Variants in SLC2A13 observed in about 807,000 individuals in gnomAD.
SLC2A13 encodes the protein proton myo-inositol cotransporter.
SLC2A13 carries 32 observed loss-of-function variants against 64.4 expected under a neutral mutation model. The observed-to-expected ratio is 0.50, with a 90% CI of 0.37 to 0.67. SLC2A13 has a LOEUF of 0.67. Among genes scored for constraint, SLC2A13 ranks in the 30% least tolerant of loss-of-function variants. The pLI is 0.00. For missense variants in SLC2A13, 743 were observed against 829.2 expected (o/e 0.90, Z 1.28); for synonymous variants, 338 against 327.1 (o/e 1.03, Z -0.36).
At chr12:40,029,016 TTGC>T (rs1305110576) in intron 2 of SLC2A13, among the ~76,000 whole-genome samples, 1 of 152,178 alleles carries the variant, frequency 6.6e-6, no homozygotes, top group East Asian at 1.9e-4. Flanking sequence ...CTATTTCATT[TTGC>T]CATCAAGCAT....
chr12:40,067,272 G>A (rs568459618), intron 1 of SLC2A13, among the ~76,000 whole-genome samples: 1 of 152,120 alleles, frequency 6.6e-6, no homozygotes, highest in Non-Finnish European at 1.5e-5. Flanking sequence ...TGCAATCACA[G>A]GTCACTGCAG....
At position 39,972,610 on chromosome 12, in the gene SLC2A13, C is replaced by T. The variant is rs61931463; in HGVS notation, c.926-21245G>A. ...ATAATTATCTCTCCCTCAATCCCAA[C>T]GTCAGTTACCCTATCTATTAGATCT... is the stretch of plus-strand genomic sequence containing the variant. On this transcript the variant is annotated intron_variant, in intron 3 of 9. Coordinates refer to ENST00000280871, the MANE Select transcript of SLC2A13 (RefSeq NM_052885.4). Among the ~76,000 whole-genome samples, 1,369 of 151,378 alleles carry T rather than the reference C, an allele frequency of 9.0e-3. 9 individuals are homozygous for T. Among genetic ancestry groups the T allele is most frequent in the African/African-American group, 0.029 (1,170 of 40,740 alleles).
chr12:39,939,807 A>C (rs2404351), intron 4 of SLC2A13, among the ~76,000 whole-genome samples: 131,499 of 152,240 alleles, frequency 0.86, 56,874 homozygotes, highest in East Asian at 1. Context: ...TTCATCCAAG[A>C]AAGGCTTAAA....
chr12:39,948,113 T>C (rs1297132399), intron 4 of SLC2A13, among the ~76,000 whole-genome samples: 1 of 152,198 alleles, frequency 6.6e-6, no homozygotes, highest in African/African-American at 2.4e-5. Context: ...CCATTTTCTC[T>C]ACTCTTTCTC....
chr12:40,044,694 A>T (rs1360952595), intron 2 of SLC2A13, among the ~76,000 whole-genome samples: 1 of 152,168 alleles, frequency 6.6e-6, no homozygotes, highest in Non-Finnish European at 1.5e-5. Context: ...AAAACAATTT[A>T]TTTCTATGAT....
intron 7 of SLC2A13, among the ~76,000 whole-genome samples, chr12:39,798,736 A>T (rs563071961): frequency 6.6e-6 from 1 of 152,178 alleles, no homozygotes; most frequent in Admixed American, 6.5e-5. Flanking sequence ...GACATTTCTC[A>T]TGACACTTTT....
intron 7 of SLC2A13, among the ~76,000 whole-genome samples, chr12:39,765,489 G>T (rs956397891): frequency 2.0e-5 from 3 of 151,860 alleles, no homozygotes; most frequent in Non-Finnish European, 4.4e-5. Flanking sequence ...TACCTTAATT[G>T]CCCCTGAAGA....
At chr12:39,765,758 C>T (rs1212938769) in intron 7 of SLC2A13, among the ~76,000 whole-genome samples, 9 of 152,072 alleles carry the variant, frequency 5.9e-5, no homozygotes, top group African/African-American at 2.2e-4. Context: ...AGGACACATG[C>T]ACAGGATGTG....
At chr12:40,070,097 T>C (rs753223786) in intron 1 of SLC2A13, among the ~76,000 whole-genome samples, 46 of 152,094 alleles carry the variant, frequency 3.0e-4, no homozygotes, top group Non-Finnish European at 5.3e-4. Context: ...TCATTTATTA[T>C]TAGTTTGACA....
In SLC2A13 at chr12:40,100,848, C is replaced by T. The variant is rs1268243798; in HGVS notation, c.556+4405G>A. On this transcript the variant is annotated intron_variant, in intron 1 of 9. Transcript: ENST00000280871. ...GTGTGGTGGGCAGGCGCCTGTAATC[C>T]CAGCTACTCAGGAGGCTGAGGCAGG... is the stretch of plus-strand genomic sequence containing the variant. Among the ~76,000 whole-genome samples the T allele has an allele frequency of 2.6e-5, 4 of 151,374 alleles. No individual in the cohort carries two copies. The East Asian group carries it at 7.8e-4, about 29-fold the overall frequency.
At chr12:40,002,185 CTTA>C (rs1403365645) in intron 3 of SLC2A13, among the ~76,000 whole-genome samples, 3 of 152,212 alleles carry the variant, frequency 2.0e-5, no homozygotes, top group African/African-American at 4.8e-5. Flanking sequence ...GTATTGGGCA[CTTA>C]TTATGCGCCA....
At position 39,976,300 on chromosome 12, in the gene SLC2A13, G is replaced by T. The variant is rs569366832; in HGVS notation, c.926-24935C>A. On this transcript the variant is annotated intron_variant, in intron 3 of 9. Transcript: ENST00000280871. ...TCAGCACCAGGACTCTGTATGGTAG[G>T]CTCCAAGATAAATTAGACATGGTCC... is the stretch of plus-strand genomic sequence containing the variant. 1.2e-3 allele frequency among the ~76,000 whole-genome samples: 190 copies of T among 152,224 alleles called. 1 individual carries two copies. The highest frequency in any genetic ancestry group is 9.7e-4 in the Non-Finnish European group (66 of 68,022).
intron 6 of SLC2A13, among the ~76,000 whole-genome samples, chr12:39,862,526 A>G (rs1191258000): frequency 6.6e-6 from 1 of 152,246 alleles, no homozygotes; most frequent in Admixed American, 6.5e-5. Flanking sequence ...ATATGATGTT[A>G]CTAAGATATT....
chr12:40,055,555 T>C (rs1366051551), intron 1 of SLC2A13, among the ~76,000 whole-genome samples: 3 of 152,236 alleles, frequency 2.0e-5, no homozygotes, highest in Admixed American at 2.0e-4. Context: ...GTGTCAAGCC[T>C]AAGGGCGTAG....
At chr12:39,871,157 C>T (rs184518981) in intron 5 of SLC2A13, among the ~76,000 whole-genome samples, 7 of 152,200 alleles carry the variant, frequency 4.6e-5, no homozygotes, top group African/African-American at 1.7e-4. Context: ...ATCAATGAAA[C>T]AGTCCTTGTG....
chr12:39,960,537 G>C (rs1391396887), intron 3 of SLC2A13, among the ~76,000 whole-genome samples: 1 of 151,992 alleles, frequency 6.6e-6, no homozygotes, highest in Non-Finnish European at 1.5e-5. Flanking sequence ...GCATGACCAT[G>C]CCTGGCTAAT....
intron 3 of SLC2A13, among the ~76,000 whole-genome samples, chr12:40,009,460 A>C (rs941758824): frequency 4.6e-5 from 7 of 152,058 alleles, no homozygotes; most frequent in African/African-American, 1.7e-4. Flanking sequence ...ACTGGGTCTT[A>C]TTCTGTCACC....
rs377422844 is a variant in SLC2A13, at chr12:39,835,916, T to C, written c.1320-5688A>G. On this transcript the variant is annotated intron_variant, in intron 6 of 9. Coordinates refer to ENST00000280871, the MANE Select transcript of SLC2A13 (RefSeq NM_052885.4). ...AGGCAAAACCAATTGTCAAAGGGTA[T>C]TTTAAGCTGAGCCTGGTTTTTAAAT... Among the ~76,000 whole-genome samples, 21 of 152,260 alleles carry C rather than the reference T, an allele frequency of 1.4e-4. 1 individual carries two copies. The East Asian group carries it at 2.9e-3, about 21-fold the overall frequency.
chr12:39,820,938 GC>G (rs1053601988), intron 7 of SLC2A13, among the ~76,000 whole-genome samples: 5 of 151,226 alleles, frequency 3.3e-5, no homozygotes, highest in African/African-American at 1.2e-4. Context: ...ACTCACATTA[GC>G]CCCTACTTAA....
Sources: allele counts gnomAD v4.1 joint callset (sites outside exome capture counted in the v4.1 genomes callset), GRCh38; gene constraint gnomAD v4.1.1; transcripts MANE v1.5; gene names NCBI Gene and HGNC (gene_info 2026-07-23, HGNC 2026-07-21).